PDE1A: variants seen among roughly 807,000 people sequenced by gnomAD.
PDE1A encodes phosphodiesterase 1A.
PDE1A carries 35 observed loss-of-function variants against 61.7 expected under a neutral mutation model. That is an observed-to-expected ratio of 0.57 (90% CI 0.43 to 0.75). PDE1A has a LOEUF of 0.75. Among genes scored for constraint, PDE1A ranks in the 30% least tolerant of loss-of-function variants. The pLI, the probability that PDE1A is intolerant of heterozygous loss-of-function variation, is 0.00. For missense variants in PDE1A, 597 were observed against 630.6 expected (o/e 0.95, Z 0.57); for synonymous variants, 232 against 213.2 (o/e 1.09, Z -0.77).
the PDE1A span, among the ~76,000 whole-genome samples, chr2:182,629,229 G>A: frequency 6.6e-6 from 1 of 152,208 alleles, no homozygotes; most frequent in African/African-American, 2.4e-5. Flanking sequence ...CTTGATTGTA[G>A]CTTTAGAAGA....
chr2:182,582,705 T>A, the PDE1A span, among the ~76,000 whole-genome samples: 3 of 152,096 alleles, frequency 2.0e-5, no homozygotes, highest in East Asian at 3.9e-4. Flanking sequence ...ACAGAACACA[T>A]AGGAGAAAGC....
the PDE1A span, among the ~76,000 whole-genome samples, chr2:182,668,264 C>A: frequency 6.6e-6 from 1 of 152,062 alleles, no homozygotes; most frequent in Non-Finnish European, 1.5e-5. Context: ...TGCTGGACAA[C>A]TAGAGATCTG....
At chr2:182,278,642 C>G (rs1014113846) in intron 1 of PDE1A, among the ~76,000 whole-genome samples, 1 of 151,786 alleles carries the variant, frequency 6.6e-6, no homozygotes, top group Admixed American at 6.6e-5. Context: ...GGATACTTAT[C>G]AACACTAAAA....
At chr2:182,647,931 C>G in the PDE1A span, among the ~76,000 whole-genome samples, 1 of 151,948 alleles carries the variant, frequency 6.6e-6, no homozygotes. Context: ...AAAAAAAAGG[C>G]ACAGGAAAGG....
rs1447111301 is a variant in PDE1A, at chr2:182,344,169, G to C, written c.54-79755C>G. Among the ~76,000 whole-genome samples, 3 of 151,944 alleles carry C rather than the reference G, an allele frequency of 2.0e-5. No individual in the cohort carries two copies. The East Asian group carries it at 5.8e-4, about 29-fold the overall frequency. On this transcript the variant is annotated intron_variant, in intron 1 of 13. Transcript: ENST00000351439. ...TTACAGGCATGAGAAATGAAGCCTGGCCTTTTAATCAATATTTTTGAAGCC... is the reference window on the plus strand; with the variant it reads ...TTACAGGCATGAGAAATGAAGCCTGCCCTTTTAATCAATATTTTTGAAGCC...
At chr2:182,533,938 T>C in the PDE1A span, among the ~76,000 whole-genome samples, 5 of 152,102 alleles carry the variant, frequency 3.3e-5, no homozygotes, top group African/African-American at 1.2e-4. Context: ...CATGTGTATT[T>C]CATGGTTTAA....
intron 1 of PDE1A, among the ~76,000 whole-genome samples, chr2:182,395,260 CT>C (rs1180062223): frequency 2.6e-5 from 4 of 152,198 alleles, no homozygotes; most frequent in Non-Finnish European, 5.9e-5. Context: ...AACTCTCCGG[CT>C]TTGTGTCATA....
chr2:182,287,803 T>C (rs1694263735), intron 1 of PDE1A, among the ~76,000 whole-genome samples: 1 of 152,182 alleles, frequency 6.6e-6, no homozygotes, highest in Non-Finnish European at 1.5e-5. Flanking sequence ...CTGAATGTAA[T>C]GTCTGATGGT....
At chr2:182,585,874 A>G in the PDE1A span, among the ~76,000 whole-genome samples, 8 of 152,314 alleles carry the variant, frequency 5.3e-5, no homozygotes, top group East Asian at 1.3e-3. Flanking sequence ...AATTGGTCCC[A>G]TTTGTTACAA....
intron 6 of PDE1A, among the ~76,000 whole-genome samples, chr2:182,228,966 C>G (rs1027480632): frequency 6.6e-6 from 1 of 152,058 alleles, no homozygotes; most frequent in East Asian, 1.9e-4. Flanking sequence ...AGGAGTCATG[C>G]GAGGCTGGGC....
At chr2:182,370,256 A>T (rs2125238756) in intron 1 of PDE1A, among the ~76,000 whole-genome samples, 1 of 152,376 alleles carries the variant, frequency 6.6e-6, no homozygotes, top group Admixed American at 6.5e-5. Context: ...AAAAAGGAAG[A>T]AAGGATGGCT....
chr2:182,561,170 T>C, the PDE1A span, among the ~76,000 whole-genome samples: 1 of 151,638 alleles, frequency 6.6e-6, no homozygotes, highest in Non-Finnish European at 1.5e-5. Flanking sequence ...GGTTTTCTTC[T>C]AGGGTTTTTA....
the PDE1A span, among the ~76,000 whole-genome samples, chr2:182,586,563 T>C: frequency 1.3e-5 from 2 of 152,334 alleles, no homozygotes; most frequent in South Asian, 2.1e-4. Context: ...TGTAGCTAGG[T>C]TTCTCAATCT....
intron 1 of PDE1A, among the ~76,000 whole-genome samples, chr2:182,317,674 A>T (rs913719524): frequency 6.6e-6 from 1 of 152,180 alleles, no homozygotes; most frequent in Non-Finnish European, 1.5e-5. Flanking sequence ...TGTGGACCAG[A>T]AAGTTTTACT....
At chr2:182,609,656 T>C in the PDE1A span, among the ~76,000 whole-genome samples, 61,039 of 152,150 alleles carry the variant, frequency 0.4, 13,694 homozygotes, top group East Asian at 0.58. Flanking sequence ...GAACAAACTC[T>C]GGACACACTG....
At chr2:182,455,346 T>G (rs1330593880) in intron 2 of PDE1A, among the ~76,000 whole-genome samples, 2 of 152,156 alleles carry the variant, frequency 1.3e-5, no homozygotes, top group Non-Finnish European at 1.5e-5. Context: ...GAAGTCAGTG[T>G]GGCGATTCCT....
At chr2:182,655,709 C>T in the PDE1A span, among the ~76,000 whole-genome samples, 4 of 152,164 alleles carry the variant, frequency 2.6e-5, no homozygotes, top group Non-Finnish European at 5.9e-5. Flanking sequence ...AGGATACTCT[C>T]CTCTAGCCAG....
chr2:182,468,260 A>G (rs1219727259), intron 2 of PDE1A, among the ~76,000 whole-genome samples: 1 of 152,030 alleles, frequency 6.6e-6, no homozygotes, highest in Non-Finnish European at 1.5e-5. Context: ...TTGAAATTGA[A>G]GTCAATCCTC....
At chr2:182,415,665 T>C (rs934376870) in intron 1 of PDE1A, among the ~76,000 whole-genome samples, 1 of 152,194 alleles carries the variant, frequency 6.6e-6, no homozygotes, top group Admixed American at 6.6e-5. Context: ...CAGTTCTTTA[T>C]GTTCTAAATT....
Sources: allele counts gnomAD v4.1 joint callset (sites outside exome capture counted in the v4.1 genomes callset), GRCh38; gene constraint gnomAD v4.1.1; transcripts MANE v1.5; gene names NCBI Gene and HGNC (gene_info 2026-07-23, HGNC 2026-07-21).